The following QTMAN variants were observed in gnomAD, a reference collection of about 807,000 sequenced individuals.
QTMAN encodes the protein queuosine-tRNA mannosyltransferase.
At chr2:144,052,899 T>C in the QTMAN span, among the ~76,000 whole-genome samples, 1 of 152,204 alleles carries the variant, frequency 6.6e-6, no homozygotes, top group African/African-American at 2.4e-5. Context: ...TCCATCCACC[T>C]TGGCCTCCCA....
At chr2:144,023,083 T>C in the QTMAN span, among the ~76,000 whole-genome samples, 1 of 152,158 alleles carries the variant, frequency 6.6e-6, no homozygotes, top group Non-Finnish European at 1.5e-5. Context: ...GAGAATCTAA[T>C]CCTATAGGAA....
chr2:144,270,441 G>A, the QTMAN span, among the ~76,000 whole-genome samples: 7 of 152,268 alleles, frequency 4.6e-5, no homozygotes, highest in South Asian at 8.3e-4. Context: ...TAAAGAAAAC[G>A]CGGCACATAT....
chr2:143,958,203 G>T, the QTMAN span, among the ~76,000 whole-genome samples: 3 of 152,030 alleles, frequency 2.0e-5, no homozygotes, highest in Admixed American at 2.0e-4. Context: ...AATATTTCAT[G>T]TGTCATCTAT....
At chr2:143,946,591 G>A in the QTMAN span, 1 of 154,412 alleles carries the variant, frequency 6.5e-6, no homozygotes, top group African/African-American at 2.4e-5. Context: ...GGCAACCTAG[G>A]TAGAAACCCA....
the QTMAN span, among the ~76,000 whole-genome samples, chr2:144,230,009 T>C: frequency 1.4e-4 from 21 of 152,182 alleles, no homozygotes; most frequent in East Asian, 5.8e-4. Context: ...TGAAAATCCA[T>C]GTGATATAAA....
chr2:143,991,570 GC>G, the QTMAN span, among the ~76,000 whole-genome samples: 11 of 146,248 alleles, frequency 7.5e-5, no homozygotes, highest in East Asian at 1.7e-3. Flanking sequence ...GGGGGGGTCA[GC>G]CCCCCGCCCG....
chr2:143,966,528 G>C, the QTMAN span, among the ~76,000 whole-genome samples: 1 of 152,176 alleles, frequency 6.6e-6, no homozygotes, highest in Non-Finnish European at 1.5e-5. Context: ...AAATGTAGCA[G>C]TGACTAGGGC....
chr2:144,108,378 G>A, the QTMAN span, among the ~76,000 whole-genome samples: 4 of 152,174 alleles, frequency 2.6e-5, 1 homozygote, highest in Non-Finnish European at 5.9e-5. Flanking sequence ...AGTTGCTCAT[G>A]CCTGTAATCC....
the QTMAN span, among the ~76,000 whole-genome samples, chr2:144,115,095 G>C: frequency 1.3e-5 from 2 of 151,992 alleles, no homozygotes; most frequent in Non-Finnish European, 2.9e-5. Context: ...GCCAGCTGTG[G>C]TGGCACACAA....
the QTMAN span, among the ~76,000 whole-genome samples, chr2:144,074,811 T>C: frequency 2.0e-5 from 3 of 152,182 alleles, no homozygotes; most frequent in Admixed American, 6.5e-5. Context: ...TCTCCAAAAA[T>C]GTGTCAGAGG....
At chr2:143,952,030 G>C in the QTMAN span, 1 of 1,605,734 alleles carries the variant, frequency 6.2e-7, no homozygotes, top group South Asian at 1.1e-5. Context: ...AGAAATTCTG[G>C]AGCCTTTTTG....
At chr2:144,048,997 C>T in the QTMAN span, among the ~76,000 whole-genome samples, 25 of 152,240 alleles carry the variant, frequency 1.6e-4, 1 homozygote, top group South Asian at 4.1e-3. Context: ...CATTGGGCAA[C>T]ACATGTTTTT....
the QTMAN span, among the ~76,000 whole-genome samples, chr2:144,026,380 A>G: frequency 6.6e-6 from 1 of 152,186 alleles, no homozygotes; most frequent in Non-Finnish European, 1.5e-5. Context: ...GGTTGCAGTG[A>G]GCCGAGACTG....
the QTMAN span, among the ~76,000 whole-genome samples, chr2:144,225,017 G>A: frequency 1.3e-5 from 2 of 152,150 alleles, no homozygotes; most frequent in Non-Finnish European, 2.9e-5. Flanking sequence ...AGGAAATGTG[G>A]CAGACATCAT....
the QTMAN span, among the ~76,000 whole-genome samples, chr2:144,162,899 C>T: frequency 3.9e-5 from 6 of 152,274 alleles, no homozygotes; most frequent in South Asian, 1.2e-3. Flanking sequence ...GTGGACCTGA[C>T]TGTGCCCAGC....
chr2:144,220,399 T>A, the QTMAN span, among the ~76,000 whole-genome samples: 1 of 152,232 alleles, frequency 6.6e-6, no homozygotes, highest in Non-Finnish European at 1.5e-5. Flanking sequence ...GGCTTTCCCA[T>A]ATCAACAGCT....
At chr2:143,964,585 A>G in the QTMAN span, among the ~76,000 whole-genome samples, 10 of 152,144 alleles carry the variant, frequency 6.6e-5, no homozygotes, top group African/African-American at 2.4e-4. Flanking sequence ...GAACCTTTCT[A>G]GTATTTCCCC....
At chr2:144,167,528 C>T in the QTMAN span, among the ~76,000 whole-genome samples, 4 of 152,124 alleles carry the variant, frequency 2.6e-5, no homozygotes, top group African/African-American at 4.8e-5. Context: ...AATTGAATCA[C>T]GGGGATGGTT....
the QTMAN span, among the ~76,000 whole-genome samples, chr2:144,318,825 G>T: frequency 6.6e-6 from 1 of 152,068 alleles, no homozygotes; most frequent in South Asian, 2.1e-4. Context: ...TGAATGCTAA[G>T]ATTTAAAAAT....
Sources: allele counts gnomAD v4.1 joint callset (sites outside exome capture counted in the v4.1 genomes callset), GRCh38; gene constraint gnomAD v4.1.1; transcripts MANE v1.5; gene names NCBI Gene and HGNC (gene_info 2026-07-23, HGNC 2026-07-21).